The following CA5A variants were observed in gnomAD, a reference collection of about 807,000 sequenced individuals.
CA5A encodes carbonic anhydrase 5A, mitochondrial.
CA5A carries 28 observed loss-of-function variants against 37.1 expected under a neutral mutation model. The ratio of observed to expected loss-of-function variants is 0.75; its 90% CI spans 0.56 to 1.03. The LOEUF (loss-of-function observed/expected upper bound fraction) is 1.03. Ranked by LOEUF, CA5A falls within the 50% of genes least tolerant of loss-of-function variation. The probability of loss-of-function intolerance (pLI) is 0.00; values close to 1 mark genes in which losing one functional copy is unlikely to be tolerated. For missense variants in CA5A, 444 were observed against 399.9 expected (o/e 1.11, Z -0.94); for synonymous variants, 171 against 158.4 (o/e 1.08, Z -0.60).
chr16:87,934,144 G>C (rs1567541571), intron 1 of CA5A, among the ~76,000 whole-genome samples: 1 of 152,238 alleles, frequency 6.6e-6, no homozygotes, highest in Non-Finnish European at 1.5e-5. Context: ...GGGCTTCCTG[G>C]AGCCATGTGC....
At chr16:87,915,344 T>C (rs1015465880) in intron 2 of CA5A, among the ~76,000 whole-genome samples, 15 of 152,016 alleles carry the variant, frequency 9.9e-5, no homozygotes, top group African/African-American at 3.4e-4. Flanking sequence ...GAAAAAGCGA[T>C]GTACCCACAG....
intron 1 of CA5A, among the ~76,000 whole-genome samples, chr16:87,933,744 C>T (rs1218507344): frequency 6.6e-6 from 1 of 152,120 alleles, no homozygotes; most frequent in East Asian, 1.9e-4. Context: ...GCCAAACCAC[C>T]AGTGATTTTT....
At chr16:87,927,223 T>C (rs1380527923) in intron 1 of CA5A, among the ~76,000 whole-genome samples, 1 of 152,356 alleles carries the variant, frequency 6.6e-6, no homozygotes, top group East Asian at 1.9e-4. Flanking sequence ...TTTTTGACTT[T>C]TGTGTTGCCC....
At chr16:87,915,130 C>T (rs747882127) in intron 2 of CA5A, among the ~76,000 whole-genome samples, 14 of 152,336 alleles carry the variant, frequency 9.2e-5, no homozygotes, top group South Asian at 6.2e-4. Flanking sequence ...CGCGTTGCAG[C>T]GCACGTCCGA....
chr16:87,896,434 C>T (rs764522446), intron 5 of CA5A, among the ~76,000 whole-genome samples: 6 of 152,180 alleles, frequency 3.9e-5, no homozygotes, highest in Non-Finnish European at 8.8e-5. Context: ...AAACTGCTCC[C>T]CCTCAGGGCC....
intron 2 of CA5A, among the ~76,000 whole-genome samples, chr16:87,906,176 G>C (rs2055958158): frequency 6.6e-6 from 1 of 152,074 alleles, no homozygotes. Flanking sequence ...AGCAGAACTG[G>C]AGCACTGATC....
downstream of CA5A, chr16:87,886,743 G>A (rs182030134): frequency 9.2e-5 from 14 of 152,232 alleles, no homozygotes; most frequent in African/African-American, 3.4e-4. Context: ...ATATCCAAAT[G>A]ATCCAAAACT....
chr16:87,915,092 C>T (rs2056116103), intron 2 of CA5A, among the ~76,000 whole-genome samples: 1 of 152,218 alleles, frequency 6.6e-6, no homozygotes, highest in Admixed American at 6.5e-5. Context: ...CCAGGAGCCA[C>T]CGAATGAGGC....
At chr16:87,892,452 G>C (rs1419550259) in intron 5 of CA5A, among the ~76,000 whole-genome samples, 1 of 149,912 alleles carries the variant, frequency 6.7e-6, no homozygotes. Context: ...AGAGGTTGCA[G>C]TGAGCCGAGA....
chr16:87,928,746 A>C lies in CA5A; in HGVS notation c.143-1801T>G, dbSNP rs1448285614. ...CTTTCTCTGTATTCTCATCTGGATT[A>C]TTTTCTTTTCTTTGTTTTTTTTTTT... On this transcript the variant is annotated intron_variant, in intron 1 of 6. Transcript: ENST00000649794. Among the ~76,000 whole-genome samples the C allele has an allele frequency of 2.7e-4, 15 of 54,920 alleles. 2 individuals are homozygous for C. Among genetic ancestry groups the C allele is most frequent in the South Asian group, 6.7e-4 (1 of 1,492 alleles). The allele number at this position is 54,920 out of a possible 152,430, so 36.0% of individuals were successfully genotyped here. A position where few individuals can be genotyped will look rare whatever the true frequency, so the allele number is the denominator to read the frequency against.
intron 2 of CA5A, among the ~76,000 whole-genome samples, chr16:87,909,541 T>A (rs1374595238): frequency 6.6e-6 from 1 of 152,178 alleles, no homozygotes; most frequent in East Asian, 1.9e-4. Flanking sequence ...GAGCGGCCCC[T>A]GGTGGCAGTT....
intron 2 of CA5A, among the ~76,000 whole-genome samples, chr16:87,912,337 C>T (rs1313547128): frequency 6.6e-6 from 1 of 152,064 alleles, no homozygotes; most frequent in Admixed American, 6.6e-5. Flanking sequence ...ACTAAAATTG[C>T]TATCCTCACT....
chr16:87,929,451 C>CAAAAA (rs138039345), intron 1 of CA5A, among the ~76,000 whole-genome samples: 1 of 88,134 alleles, frequency 1.1e-5, no homozygotes. Flanking sequence ...AATTCGGTCT[C>CAAAAA]AAAAAAAAAA....
At chr16:87,923,872 A>G (rs989346454) in intron 2 of CA5A, 12 of 984,228 alleles carry the variant, frequency 1.2e-5, no homozygotes, top group Non-Finnish European at 1.3e-5. Flanking sequence ...AATTACTAAT[A>G]CATTCACACA....
At chr16:87,901,559 T>C (rs576194060) in intron 5 of CA5A, among the ~76,000 whole-genome samples, 65 of 152,090 alleles carry the variant, frequency 4.3e-4, no homozygotes, top group Non-Finnish European at 7.4e-4. Flanking sequence ...CAATTTTGCT[T>C]GTCAGATTAT....
At chr16:87,910,519 C>A (rs992920031) in intron 2 of CA5A, among the ~76,000 whole-genome samples, 1 of 152,130 alleles carries the variant, frequency 6.6e-6, no homozygotes, top group South Asian at 2.1e-4. Flanking sequence ...CTGCTACTTG[C>A]CTTGCCAGTA....
At chr16:87,927,104 G>A (rs555900745) in intron 1 of CA5A, among the ~76,000 whole-genome samples, 159 bp from the exon 2 acceptor site, 55 of 152,362 alleles carry the variant, frequency 3.6e-4, no homozygotes, top group Non-Finnish European at 5.3e-4. Context: ...GCGCAGCGAC[G>A]CACGCCCACA....
intron 2 of CA5A, among the ~76,000 whole-genome samples, chr16:87,912,201 C>T (rs547928630): frequency 2.0e-5 from 3 of 152,172 alleles, no homozygotes; most frequent in Middle Eastern, 3.4e-3. Flanking sequence ...ACTTGGGAGG[C>T]GGAGGTGAGA....
chr16:87,920,686 C>T (rs1245540539), intron 2 of CA5A, among the ~76,000 whole-genome samples: 1 of 151,930 alleles, frequency 6.6e-6, no homozygotes, highest in Admixed American at 6.6e-5. Flanking sequence ...GGCGTGATCT[C>T]GACTCACTTA....
Sources: allele counts gnomAD v4.1 joint callset (sites outside exome capture counted in the v4.1 genomes callset), GRCh38; gene constraint gnomAD v4.1.1; transcripts MANE v1.5; gene names NCBI Gene and HGNC (gene_info 2026-07-23, HGNC 2026-07-21).